The following DTNBP1 variants were observed in gnomAD, a reference collection of about 807,000 sequenced individuals.
DTNBP1 encodes dystrobrevin binding protein 1.
DTNBP1 carries 35 observed loss-of-function variants against 42.8 expected under a neutral mutation model. The ratio of observed to expected loss-of-function variants is 0.82; its 90% CI spans 0.63 to 1.09. The LOEUF (loss-of-function observed/expected upper bound fraction) is 1.09. DTNBP1 is among the 50% of genes least tolerant of loss of function. The pLI is 0.00. For synonymous variants in DTNBP1, 171 were observed against 162.2 expected (o/e 1.05, Z -0.41); for missense variants, 457 against 424.2 (o/e 1.08, Z -0.68).
At chr6:15,632,227 T>C (rs552458965) in intron 4 of DTNBP1, among the ~76,000 whole-genome samples, 1 of 152,318 alleles carries the variant, frequency 6.6e-6, no homozygotes, top group South Asian at 2.1e-4. Flanking sequence ...ACGGTGTTGT[T>C]TGATTAAAAA....
At chr6:15,621,544 T>C (rs1048922457) in intron 5 of DTNBP1, among the ~76,000 whole-genome samples, 4 of 152,230 alleles carry the variant, frequency 2.6e-5, no homozygotes, top group African/African-American at 7.2e-5. Flanking sequence ...TACATACTTC[T>C]GAATAGGACG....
intron 7 of DTNBP1, among the ~76,000 whole-genome samples, chr6:15,554,922 G>A (rs1425526684): frequency 2.6e-5 from 4 of 152,112 alleles, no homozygotes; most frequent in South Asian, 4.2e-4. Context: ...TGCGAAAACC[G>A]CAAAAGGGAG....
chr6:15,565,547 A>C lies in DTNBP1; in HGVS notation c.511+27512T>G, dbSNP rs148221978. Among the ~76,000 whole-genome samples, 705 of 152,354 alleles carry C rather than the reference A, an allele frequency of 4.6e-3. 5 individuals carry two copies. Among genetic ancestry groups the C allele is most frequent in the African/African-American group, 0.016 (678 of 41,584 alleles). ...AGTCTATAATATGGATGAACCTAGA[A>C]AATATTATGCTAAGTGAAAGAAGCC... is the stretch of plus-strand genomic sequence containing the variant. On this transcript the variant is annotated intron_variant, in intron 7 of 9. Coordinates refer to ENST00000344537, the MANE Select transcript of DTNBP1 (RefSeq NM_032122.5).
intron 7 of DTNBP1, among the ~76,000 whole-genome samples, chr6:15,574,770 C>T (rs562061070): frequency 2.0e-5 from 3 of 152,194 alleles, no homozygotes; most frequent in Admixed American, 1.3e-4. Context: ...ATGAAAAAAA[C>T]GCAAACCTAC....
rs1008954006 is a variant in DTNBP1, at chr6:15,533,107, T to G, written c.667+133A>C. On this transcript the variant is annotated intron_variant, in intron 8 of 9. Coordinates refer to ENST00000344537, the MANE Select transcript of DTNBP1 (RefSeq NM_032122.5). ...AGAGAGGTGGCCCGACGCACACATT[T>G]TGGTTGCTGGGGTCTCATAACAGAA... 3.6e-6 allele frequency: 5 copies of G among 1,387,460 alleles called. No homozygotes were observed. In the Admixed American group the frequency reaches 9.7e-5, roughly 27 times the overall value. 85.9% of individuals were successfully genotyped at this position (1,387,460 alleles called of 1,614,324 possible). A position where few individuals can be genotyped will look rare whatever the true frequency, so the allele number is the denominator to read the frequency against.
chr6:15,637,639 C>T (rs1760106245), intron 4 of DTNBP1, 105 bp downstream of exon 4: 21 of 1,277,024 alleles, frequency 1.6e-5, no homozygotes, highest in Non-Finnish European at 2.3e-5. Context: ...AGATATCCTG[C>T]AAAACATTTT....
intron 5 of DTNBP1, among the ~76,000 whole-genome samples, chr6:15,624,228 C>G (rs1212274907): frequency 1.3e-5 from 2 of 152,216 alleles, no homozygotes; most frequent in Non-Finnish European, 2.9e-5. Context: ...AGCTTGGAGC[C>G]ATTGAGAAAT....
At chr6:15,564,471 A>C (rs1239862457) in intron 7 of DTNBP1, among the ~76,000 whole-genome samples, 6 of 152,066 alleles carry the variant, frequency 3.9e-5, no homozygotes, top group Non-Finnish European at 8.8e-5. Context: ...ACAGTGGCAC[A>C]ATCTCTACTC....
At chr6:15,524,197 C>T in intron 9 of DTNBP1, 1 of 1,491,012 alleles carries the variant, frequency 6.7e-7, no homozygotes, top group South Asian at 1.2e-5. Context: ...TCCGCACCTC[C>T]CTGCAAACGC....
intron 7 of DTNBP1, among the ~76,000 whole-genome samples, chr6:15,554,418 G>A (rs1172660559): frequency 2.0e-5 from 3 of 152,056 alleles, no homozygotes; most frequent in Non-Finnish European, 4.4e-5. Flanking sequence ...TGTTATAGGG[G>A]TCTTAACCAT....
At chr6:15,654,648 C>T (rs945187078) in intron 1 of DTNBP1, among the ~76,000 whole-genome samples, 1 of 151,860 alleles carries the variant, frequency 6.6e-6, no homozygotes, top group Non-Finnish European at 1.5e-5. Flanking sequence ...AAGAAAAAAC[C>T]GGTTTGAAAT....
intron 7 of DTNBP1, among the ~76,000 whole-genome samples, chr6:15,541,337 A>T (rs1773550376): frequency 6.6e-6 from 1 of 152,192 alleles, no homozygotes. Flanking sequence ...AGGATATTTG[A>T]AGGAAAAATT....
intron 1 of DTNBP1, chr6:15,660,351 A>G: frequency 7.8e-7 from 1 of 1,289,762 alleles, no homozygotes; most frequent in Non-Finnish European, 1.0e-6. Flanking sequence ...GAAAAGTTTA[A>G]CCGAACAGCT....
intron 7 of DTNBP1, chr6:15,548,251 T>C (rs1203045668): frequency 6.6e-6 from 1 of 152,212 alleles, no homozygotes; most frequent in Non-Finnish European, 1.5e-5. Context: ...AATCAAAAAC[T>C]TCCCAACCTT....
chr6:15,600,524 T>C (rs367563283), intron 6 of DTNBP1, among the ~76,000 whole-genome samples: 2 of 152,222 alleles, frequency 1.3e-5, no homozygotes, highest in South Asian at 4.1e-4. Context: ...ATATCTACAT[T>C]TGGGAAAAAA....
chr6:15,523,145 G>A lies in DTNBP1; in HGVS notation c.886C>T (p.Pro296Ser), dbSNP rs74907982. ...TCGGTGCAGGTGGAGGAAGAAGAAG[G>A]TGGCTTGGCTCTTAATTCTGAGGGA... ...PNPSELRAKP[P>S]SSSSTCTDSA... The change falls in exon 10 of 10, where the codon CCT becomes TCT. Residue 296 changes from proline to serine, a missense_variant. Transcript: ENST00000344537. 2.4e-3 allele frequency: 3,857 copies of A among 1,614,228 alleles called. 79 individuals carry two copies. The African/African-American group carries it at 0.044, about 18-fold the overall frequency.
chr6:15,614,221 G>A (rs1182065256), intron 6 of DTNBP1, among the ~76,000 whole-genome samples: 1 of 151,902 alleles, frequency 6.6e-6, no homozygotes, highest in East Asian at 1.9e-4. Context: ...CCTCACCTAT[G>A]TATTAGCTTC....
At chr6:15,558,250 A>G (rs1198617505) in intron 7 of DTNBP1, among the ~76,000 whole-genome samples, 1 of 150,986 alleles carries the variant, frequency 6.6e-6, no homozygotes, top group Non-Finnish European at 1.5e-5. Flanking sequence ...TTTATAATCA[A>G]CTATAAGATT....
intron 1 of DTNBP1, chr6:15,660,485 ACACT>A: frequency 7.8e-7 from 1 of 1,289,830 alleles, no homozygotes; most frequent in Non-Finnish European, 1.0e-6. Flanking sequence ...CTAATGGCAC[ACACT>A]GACAGTCCAG....
Sources: gnomAD v4.1 joint callset for allele counts (sites outside exome capture counted in the v4.1 genomes callset) on GRCh38, gnomAD v4.1.1 for gene constraint, MANE v1.5 for transcripts, NCBI Gene and HGNC (gene_info 2026-07-23, HGNC 2026-07-21) for gene names.